HIF1AN: variants seen among roughly 807,000 people sequenced by gnomAD.
The protein encoded by HIF1AN is hypoxia inducible factor 1 subunit alpha inhibitor, also known as hypoxia-inducible factor 1-alpha inhibitor.
HIF1AN carries 21 observed loss-of-function variants against 47.7 expected under a neutral mutation model. The ratio of observed to expected loss-of-function variants is 0.44; its 90% CI spans 0.31 to 0.63. The LOEUF is 0.63. Ranked by LOEUF, HIF1AN falls within the 30% of genes least tolerant of loss-of-function variation. The pLI is 0.07. For synonymous variants in HIF1AN, 152 were observed against 155.9 expected, an observed-to-expected ratio of 0.98 and a Z score of 0.18; for missense variants, 320 against 432.7, an observed-to-expected ratio of 0.74 and a Z score of 2.31.
In HIF1AN at chr10:100,553,223, C is replaced by G. The variant is rs1026770326; in HGVS notation, c.*5086C>G. 1 of 152,222 alleles carries G rather than the reference C, an allele frequency of 6.6e-6. No homozygotes were observed. The highest frequency in any genetic ancestry group is 1.5e-5 in the Non-Finnish European group (1 of 68,062). 9.4% of individuals were successfully genotyped at this position (152,222 alleles called of 1,614,324 possible). On this transcript the variant is annotated 3_prime_UTR_variant, in exon 8 of 8. Transcript: ENST00000299163. Reference sequence around the variant, plus strand: ...CCCTTTGCAGGGTGGTGATGGGCATCAAACATGACGTGGAACATGTCCCCT... The same window carrying G: ...CCCTTTGCAGGGTGGTGATGGGCATGAAACATGACGTGGAACATGTCCCCT...
chr10:100,547,359 T>A (rs1843104255), intron 7 of HIF1AN, 109 bp downstream of exon 7: 1 of 692,794 alleles, frequency 1.4e-6, no homozygotes, highest in African/African-American at 1.8e-5. Context: ...GTCCTCTCTC[T>A]CCATAGAGGT....
At position 100,548,609 on chromosome 10, in the gene HIF1AN, T is replaced by C. The variant is rs560991663; in HGVS notation, c.*472T>C. On this transcript the variant is annotated 3_prime_UTR_variant, in exon 8 of 8. Coordinates refer to ENST00000299163, the MANE Select transcript of HIF1AN (RefSeq NM_017902.3). ...GATGAGATGCTCTTGGACTCCCCAC[T>C]GCATCTGGGCTGCAGGGCCAGAGCT... 1.3e-5 allele frequency: 2 copies of C among 156,232 alleles called. No individual in the cohort carries two copies. Among genetic ancestry groups the C allele is most frequent in the Non-Finnish European group, 2.9e-5 (2 of 70,118 alleles). 9.7% of individuals were successfully genotyped at this position (156,232 alleles called of 1,614,324 possible).
Position 100,558,708 on chromosome 10 carries a change from G to C in HIF1AN, c.*10571G>C, listed in dbSNP as rs1268400764. On this transcript the variant is annotated 3_prime_UTR_variant, in exon 8 of 8. Coordinates refer to ENST00000299163, the MANE Select transcript of HIF1AN (RefSeq NM_017902.3). ...ATGAGGCCACAAATAGCACTTTCTG[G>C]GTCCTTTCACAGTCTAGTCAGTGGC... The C allele has an allele frequency of 6.6e-6, 1 of 152,166 alleles. No individual in the cohort carries two copies. Among genetic ancestry groups the C allele is most frequent in the Non-Finnish European group, 1.5e-5 (1 of 68,034 alleles). 9.4% of individuals were successfully genotyped at this position (152,166 alleles called of 1,614,324 possible).
rs537311230 is a variant in HIF1AN, at chr10:100,558,746, T to G, written c.*10609T>G. ...TCTAGTCAGTGGCCCAACCAACATA[T>G]CTGGTTGTTCTGCAATCTCAGTCAT... On this transcript the variant is annotated 3_prime_UTR_variant, in exon 8 of 8. Transcript: ENST00000299163. 6.6e-6 allele frequency: 1 copy of G among 152,228 alleles called. No individual in the cohort carries two copies. Among genetic ancestry groups the G allele is most frequent in the African/African-American group, 2.4e-5 (1 of 41,458 alleles). 9.4% of individuals were successfully genotyped at this position (152,228 alleles called of 1,614,324 possible). A position where few individuals can be genotyped will look rare whatever the true frequency, so the allele number is the denominator to read the frequency against.
chr10:100,545,925 T>C lies in HIF1AN; in HGVS notation c.724-18T>C. The C allele has an allele frequency of 6.4e-7, 1 of 1,556,396 alleles. No individual in the cohort carries two copies. Among genetic ancestry groups the C allele is most frequent in the Non-Finnish European group, 8.9e-7 (1 of 1,128,868 alleles). ...ATTTGGTGATTGATATTTTTTTTCT[T>C]TCTCTTGAACCTCTTAGGTGGACTT... On this transcript the variant is annotated intron_variant, in intron 4 of 7. Coordinates refer to ENST00000299163, the MANE Select transcript of HIF1AN (RefSeq NM_017902.3).
Sources: gnomAD v4.1 joint callset for allele counts on GRCh38, gnomAD v4.1.1 for gene constraint, MANE v1.5 for transcripts, NCBI Gene and HGNC (gene_info 2026-07-23, HGNC 2026-07-21) for gene names.